Variants in C12orf42 observed in about 807,000 individuals in gnomAD.
C12orf42 encodes chromosome 12 open reading frame 42.
C12orf42 carries 25 observed loss-of-function variants against 21.6 expected under a neutral mutation model. The observed-to-expected ratio is 1.16, with a 90% CI of 0.84 to 1.62. C12orf42 has a LOEUF of 1.62. Among genes scored for constraint, C12orf42 ranks in the 40% most tolerant of loss-of-function variants. The pLI is 0.00. For missense variants in C12orf42, 483 were observed against 459.3 expected (o/e 1.05, Z -0.47); for synonymous variants, 174 against 175.0 (o/e 0.99, Z 0.05).
At chr12:103,311,197 CGTGT>C (rs143631316) in intron 4 of C12orf42, among the ~76,000 whole-genome samples, 1 of 150,746 alleles carries the variant, frequency 6.6e-6, no homozygotes, top group East Asian at 1.9e-4. Flanking sequence ...TATGCATGTG[CGTGT>C]GTGTGTGTGT....
At chr12:103,227,868 A>C in the C12orf42 span, among the ~76,000 whole-genome samples, 1 of 152,216 alleles carries the variant, frequency 6.6e-6, no homozygotes, top group Non-Finnish European at 1.5e-5. Context: ...ATTGAAATTA[A>C]GAGAAGGGAG....
At chr12:103,254,907 C>G (rs1486569369) in intron 10 of C12orf42, among the ~76,000 whole-genome samples, 1 of 152,064 alleles carries the variant, frequency 6.6e-6, no homozygotes, top group African/African-American at 2.4e-5. Context: ...CACGAGTACC[C>G]CATAACTTAA....
chr12:103,073,703 C>T, the C12orf42 span, among the ~76,000 whole-genome samples: 3 of 151,966 alleles, frequency 2.0e-5, no homozygotes, highest in African/African-American at 7.3e-5. Context: ...AAAAAGAAAG[C>T]ACAGGTTGCT....
At chr12:103,111,482 C>T in the C12orf42 span, among the ~76,000 whole-genome samples, 2 of 152,150 alleles carry the variant, frequency 1.3e-5, no homozygotes, top group Non-Finnish European at 2.9e-5. Context: ...TTAGTGAGTG[C>T]TTACTACATA....
chr12:103,370,459 G>A (rs1566174501), intron 3 of C12orf42, among the ~76,000 whole-genome samples: 1 of 152,070 alleles, frequency 6.6e-6, no homozygotes, highest in Admixed American at 6.6e-5. Flanking sequence ...ATTCACAATA[G>A]CAAAGACATG....
At chr12:103,339,236 G>A (rs954354919) in intron 4 of C12orf42, among the ~76,000 whole-genome samples, 1 of 152,120 alleles carries the variant, frequency 6.6e-6, no homozygotes, top group Non-Finnish European at 1.5e-5. Flanking sequence ...TCAGGGGTAC[G>A]AGTACAGATT....
the C12orf42 span, among the ~76,000 whole-genome samples, chr12:103,228,789 T>C: frequency 0.45 from 68,156 of 151,288 alleles, 15,529 homozygotes; most frequent in Middle Eastern, 0.48. Context: ...TCTGTCCCCA[T>C]GCAGATGTCC....
intron 10 of C12orf42, among the ~76,000 whole-genome samples, chr12:103,261,780 T>C (rs1269927114): frequency 6.6e-6 from 1 of 152,202 alleles, no homozygotes; most frequent in Non-Finnish European, 1.5e-5. Context: ...GAAACAATTT[T>C]TATGACCAAA....
chr12:103,488,422 G>T (rs1954978303), intron 1 of C12orf42, among the ~76,000 whole-genome samples: 1 of 152,062 alleles, frequency 6.6e-6, no homozygotes, highest in African/African-American at 2.4e-5. Context: ...TCTGACAATT[G>T]TGTGTCTTGG....
the C12orf42 span, among the ~76,000 whole-genome samples, chr12:103,231,947 T>A: frequency 6.6e-6 from 1 of 152,224 alleles, no homozygotes; most frequent in Non-Finnish European, 1.5e-5. Flanking sequence ...TGAGAGTTCC[T>A]GTTGTTCTAC....
At chr12:103,222,168 G>A in the C12orf42 span, among the ~76,000 whole-genome samples, 1 of 152,172 alleles carries the variant, frequency 6.6e-6, no homozygotes, top group Non-Finnish European at 1.5e-5. Flanking sequence ...TGAGCAACAT[G>A]GCTGTTTATT....
intron 2 of C12orf42, among the ~76,000 whole-genome samples, chr12:103,422,948 A>G (rs1232721649): frequency 1.3e-5 from 2 of 152,148 alleles, no homozygotes; most frequent in African/African-American, 4.8e-5. Flanking sequence ...GCATTTTATC[A>G]TGGTTACTGT....
At chr12:103,111,223 T>C in the C12orf42 span, among the ~76,000 whole-genome samples, 6 of 152,164 alleles carry the variant, frequency 3.9e-5, no homozygotes, top group African/African-American at 1.4e-4. Flanking sequence ...AAAAAACACT[T>C]GTTCTCTTTG....
chr12:103,110,259 G>C, the C12orf42 span, among the ~76,000 whole-genome samples: 1 of 152,186 alleles, frequency 6.6e-6, no homozygotes, highest in Non-Finnish European at 1.5e-5. Flanking sequence ...GGTGAAACTA[G>C]AAAAACTTGT....
At chr12:103,199,044 C>T in the C12orf42 span, among the ~76,000 whole-genome samples, 1 of 152,188 alleles carries the variant, frequency 6.6e-6, no homozygotes, top group African/African-American at 2.4e-5. Flanking sequence ...AAACATCACA[C>T]TACCTGATTT....
At chr12:103,531,231 G>A in the C12orf42 span, among the ~76,000 whole-genome samples, 2 of 152,184 alleles carry the variant, frequency 1.3e-5, no homozygotes, top group Non-Finnish European at 2.9e-5. Context: ...TAAAAATAAT[G>A]TGCCAGCTAA....
the C12orf42 span, among the ~76,000 whole-genome samples, chr12:103,163,624 C>A: frequency 6.6e-6 from 1 of 152,114 alleles, no homozygotes; most frequent in African/African-American, 2.4e-5. Flanking sequence ...CAGAGAGGAC[C>A]TTCTATGTTT....
At chr12:103,073,097 A>G in the C12orf42 span, among the ~76,000 whole-genome samples, 1 of 152,202 alleles carries the variant, frequency 6.6e-6, no homozygotes, top group African/African-American at 2.4e-5. Flanking sequence ...CAAACACTGT[A>G]TGTTCTCACA....
chr12:103,392,874 G>C (rs1245343184), intron 3 of C12orf42, among the ~76,000 whole-genome samples: 1 of 152,092 alleles, frequency 6.6e-6, no homozygotes, highest in East Asian at 1.9e-4. Flanking sequence ...ATGCAAATTT[G>C]AGTTCCTGCC....
Sources: gnomAD v4.1 joint callset for allele counts (sites outside exome capture counted in the v4.1 genomes callset) on GRCh38, gnomAD v4.1.1 for gene constraint, MANE v1.5 for transcripts, NCBI Gene and HGNC (gene_info 2026-07-23, HGNC 2026-07-21) for gene names.